Variants in DYNC1I1 observed in about 807,000 individuals in gnomAD.
DYNC1I1 encodes the protein cytoplasmic dynein 1 intermediate chain 1.
Under a neutral mutation model 86.6 loss-of-function variants are expected in DYNC1I1, and 43 were observed. That is an observed-to-expected ratio of 0.50 (90% CI 0.39 to 0.64). The LOEUF is 0.64. Ranked by LOEUF, DYNC1I1 falls within the 30% of genes least tolerant of loss-of-function variation. DYNC1I1 has a pLI of 0.00. For synonymous variants in DYNC1I1, 262 were observed against 283.7 expected, an observed-to-expected ratio of 0.92 and a Z score of 0.77; for missense variants, 604 against 788.8, an observed-to-expected ratio of 0.77 and a Z score of 2.81.
chr7:95,923,796 T>C (rs1257964391), intron 6 of DYNC1I1, among the ~76,000 whole-genome samples: 2 of 152,142 alleles, frequency 1.3e-5, no homozygotes. Flanking sequence ...TATAACATCA[T>C]TGTACAAATG....
chr7:95,795,360 TG>T (rs2115742172), intron 1 of DYNC1I1, among the ~76,000 whole-genome samples: 1 of 152,338 alleles, frequency 6.6e-6, no homozygotes, highest in South Asian at 2.1e-4. Flanking sequence ...TCCCTATTTA[TG>T]GGTAAAATGC....
chr7:95,987,177 G>A (rs1793617163), intron 9 of DYNC1I1, 22 bp downstream of exon 9: 2 of 1,588,642 alleles, frequency 1.3e-6, no homozygotes, highest in South Asian at 2.2e-5. Flanking sequence ...TGCTGGGCTG[G>A]GACAAACTGG....
At chr7:95,817,129 A>G (rs965499336) in intron 4 of DYNC1I1, among the ~76,000 whole-genome samples, 8 of 152,094 alleles carry the variant, frequency 5.3e-5, no homozygotes, top group African/African-American at 1.9e-4. Flanking sequence ...CAGAACTGTA[A>G]TACCAGCTAC....
chr7:96,085,585 G>A (rs543224959), intron 16 of DYNC1I1, among the ~76,000 whole-genome samples: 1 of 152,280 alleles, frequency 6.6e-6, no homozygotes, highest in Non-Finnish European at 1.5e-5. Context: ...TTTCTTTGCA[G>A]AGCAGGTGCT....
At chr7:96,025,846 G>GC (rs1245613798) in intron 10 of DYNC1I1, among the ~76,000 whole-genome samples, 2 of 151,188 alleles carry the variant, frequency 1.3e-5, no homozygotes, top group Non-Finnish European at 3.0e-5. Flanking sequence ...CTTGCGGGGG[G>GC]GGGATATTTG....
At chr7:95,777,553 A>G (rs1011680072) in intron 1 of DYNC1I1, among the ~76,000 whole-genome samples, 1 of 152,164 alleles carries the variant, frequency 6.6e-6, no homozygotes, top group Non-Finnish European at 1.5e-5. Context: ...CCTCTTTAGC[A>G]GCTGTTCTTG....
intron 1 of DYNC1I1, among the ~76,000 whole-genome samples, chr7:95,794,794 C>G (rs565408831): frequency 4.4e-4 from 67 of 152,262 alleles, no homozygotes; most frequent in Admixed American, 8.5e-4. Flanking sequence ...AAATACATGT[C>G]ACAAATTCAG....
At chr7:95,865,765 G>T (rs999687866) in intron 5 of DYNC1I1, among the ~76,000 whole-genome samples, 2 of 152,152 alleles carry the variant, frequency 1.3e-5, no homozygotes, top group Non-Finnish European at 2.9e-5. Flanking sequence ...TAGCCTAGGA[G>T]CAATAAGCTA....
At chr7:96,101,149 A>G (rs936850291), downstream of DYNC1I1, among the ~76,000 whole-genome samples, 8 of 152,184 alleles carry the variant, frequency 5.3e-5, no homozygotes, top group Non-Finnish European at 1.0e-4. Flanking sequence ...ATGACCAGCT[A>G]GATCAGAGAG....
intron 6 of DYNC1I1, among the ~76,000 whole-genome samples, chr7:95,897,178 G>T (rs555828252): frequency 1.3e-5 from 2 of 152,266 alleles, no homozygotes; most frequent in South Asian, 2.1e-4. Context: ...TTAGCACATG[G>T]TCATTAACAT....
At chr7:95,885,749 C>A (rs770416894) in intron 6 of DYNC1I1, among the ~76,000 whole-genome samples, 4 of 152,152 alleles carry the variant, frequency 2.6e-5, no homozygotes, top group African/African-American at 7.2e-5. Context: ...AGCCTCCCAA[C>A]GTGCTAGGAT....
intron 6 of DYNC1I1, among the ~76,000 whole-genome samples, chr7:95,894,045 A>G (rs1016185279): frequency 6.6e-6 from 1 of 152,146 alleles, no homozygotes; most frequent in Non-Finnish European, 1.5e-5. Flanking sequence ...AAGAAATTTG[A>G]TAACTATTTA....
At chr7:96,049,102 A>T (rs975149945) in intron 14 of DYNC1I1, among the ~76,000 whole-genome samples, 1 of 151,950 alleles carries the variant, frequency 6.6e-6, no homozygotes, top group African/African-American at 2.4e-5. Context: ...TACTAAAAAT[A>T]CAAAAATTAG....
At chr7:95,833,002 T>TAACAA (rs1788958219) in intron 5 of DYNC1I1, among the ~76,000 whole-genome samples, 5 of 150,552 alleles carry the variant, frequency 3.3e-5, no homozygotes, top group Non-Finnish European at 1.5e-5. Flanking sequence ...TTTTGGCTTT[T>TAACAA]GTTGCCATTG....
chr7:95,839,494 C>T (rs1229856744), intron 5 of DYNC1I1, among the ~76,000 whole-genome samples: 4 of 151,998 alleles, frequency 2.6e-5, no homozygotes, highest in African/African-American at 9.7e-5. Context: ...ATTGGTGTTG[C>T]AGTTCATATC....
chr7:95,990,112 C>T (rs1344268769), intron 9 of DYNC1I1, among the ~76,000 whole-genome samples: 1 of 152,128 alleles, frequency 6.6e-6, no homozygotes, highest in Admixed American at 6.5e-5. Flanking sequence ...AACCAGAACA[C>T]TTTAACTTTG....
At chr7:95,861,718 T>C (rs2116124935) in intron 5 of DYNC1I1, among the ~76,000 whole-genome samples, 1 of 152,300 alleles carries the variant, frequency 6.6e-6, no homozygotes, top group African/African-American at 2.4e-5. Context: ...ATGTGAATTG[T>C]ATAGTATCTA....
chr7:95,777,122 G>A (rs1476149192), intron 1 of DYNC1I1, among the ~76,000 whole-genome samples: 2 of 152,116 alleles, frequency 1.3e-5, no homozygotes, highest in East Asian at 3.9e-4. Flanking sequence ...AGGACTAAGA[G>A]TCCCTCAAGA....
At chr7:96,041,326 T>C (rs1789042211) in intron 14 of DYNC1I1, among the ~76,000 whole-genome samples, 1 of 152,216 alleles carries the variant, frequency 6.6e-6, no homozygotes, top group South Asian at 2.1e-4. Flanking sequence ...TGCAACATAC[T>C]CTGTGATGAG....
Sources: gnomAD v4.1 joint callset for allele counts (sites outside exome capture counted in the v4.1 genomes callset) on GRCh38, gnomAD v4.1.1 for gene constraint, MANE v1.5 for transcripts, NCBI Gene and HGNC (gene_info 2026-07-23, HGNC 2026-07-21) for gene names.